IPO7: variants seen among roughly 807,000 people sequenced by gnomAD.
IPO7 encodes importin 7, also known as importin-7.
In IPO7, 13 loss-of-function variants were observed where a neutral mutation model predicts 136.4. That is an observed-to-expected ratio of 0.10 (90% CI 0.06 to 0.15). The LOEUF (loss-of-function observed/expected upper bound fraction) is 0.15, where lower values mean the gene tolerates loss of function less well. Among genes scored for constraint, IPO7 ranks in the 10% least tolerant of loss-of-function variants. The probability of loss-of-function intolerance (pLI) is 1.00; values close to 1 mark genes in which losing one functional copy is unlikely to be tolerated. For missense variants in IPO7, 857 were observed against 1,240.6 expected, an observed-to-expected ratio of 0.69 and a Z score of 4.65; for synonymous variants, 403 against 404.4, an observed-to-expected ratio of 1.00 and a Z score of 0.04.
rs148904635 is a variant in IPO7, at chr11:9,397,769, A to G, written c.85-5521A>G. Among the ~76,000 whole-genome samples, 517 of 152,252 alleles carry G rather than the reference A, an allele frequency of 3.4e-3. 6 individuals carry two copies. The highest frequency in any genetic ancestry group is 0.012 in the African/African-American group (496 of 41,532). ...TAGAGCATACTCTGAGAAAGGTGAG[A>G]GTCTACTGAATATGGATATACAAAG... On this transcript the variant is annotated intron_variant, in intron 1 of 24. Coordinates refer to ENST00000379719, the MANE Select transcript of IPO7 (RefSeq NM_006391.3).
At chr11:9,415,885 G>A (rs980110951) in intron 5 of IPO7, among the ~76,000 whole-genome samples, 3 of 152,022 alleles carry the variant, frequency 2.0e-5, no homozygotes, top group South Asian at 2.1e-4. Context: ...GTCAGTATTC[G>A]CAGTGAAATG....
Position 9,417,049 on chromosome 11 carries a change from T to A in IPO7, c.637-10T>A. ...GGATTTCGAAATATTAATTCTTGAC[T>A]TTTATTTAGTATACACTACCACTGG... On this transcript the variant is annotated splice_polypyrimidine_tract_variant and intron_variant, in intron 5 of 24. Transcript: ENST00000379719. 1 of 1,325,684 alleles carries A rather than the reference T, an allele frequency of 7.5e-7. No homozygotes were observed. The highest frequency in any genetic ancestry group is 1.1e-6 in the Non-Finnish European group (1 of 935,506). 82.1% of individuals were successfully genotyped at this position (1,325,684 alleles called of 1,614,324 possible). A position where few individuals can be genotyped will look rare whatever the true frequency, so the allele number is the denominator to read the frequency against.
intron 6 of IPO7, among the ~76,000 whole-genome samples, chr11:9,418,197 G>C (rs190560283): frequency 6.6e-6 from 1 of 151,712 alleles, no homozygotes; most frequent in Admixed American, 6.6e-5. Context: ...AGCCTCCCAA[G>C]TAGCTGGGAT....
At chr11:9,400,957 G>A (rs955573331) in intron 1 of IPO7, among the ~76,000 whole-genome samples, 1 of 151,766 alleles carries the variant, frequency 6.6e-6, no homozygotes, top group African/African-American at 2.4e-5. Context: ...CGAGGCGGGT[G>A]GATCACCTGC....
At chr11:9,438,052 T>TG in intron 21 of IPO7, 28 bp from the exon 22 acceptor site, 1 of 455,240 alleles carries the variant, frequency 2.2e-6, no homozygotes, top group Non-Finnish European at 3.1e-6. Flanking sequence ...ACAGTTTTTT[T>TG]TTTTTTTTTT....
At chr11:9,405,974 A>C (rs1385380025) in intron 2 of IPO7, among the ~76,000 whole-genome samples, 10 of 151,740 alleles carry the variant, frequency 6.6e-5, no homozygotes, top group Admixed American at 1.3e-4. Context: ...TTGAATCTTC[A>C]AACTTCTGGG....
At chr11:9,386,482 C>T (rs1336748337) in intron 1 of IPO7, among the ~76,000 whole-genome samples, 2 of 152,084 alleles carry the variant, frequency 1.3e-5, no homozygotes, top group Non-Finnish European at 2.9e-5. Flanking sequence ...CCTAGAAAAG[C>T]TAAAAGTTTA....
intron 15 of IPO7, 32 bp downstream of exon 15, chr11:9,429,866 C>T: frequency 1.3e-6 from 2 of 1,507,498 alleles, no homozygotes; most frequent in Non-Finnish European, 1.8e-6. Flanking sequence ...TATTTGCAAG[C>T]ATTTTAATGT....
Position 9,445,957 on chromosome 11 carries a change from C to G in IPO7, c.*763C>G, listed in dbSNP as rs770778971. 1 of 152,142 alleles carries G rather than the reference C, an allele frequency of 6.6e-6. No individual in the cohort carries two copies. The highest frequency in any genetic ancestry group is 2.4e-5 in the African/African-American group (1 of 41,432). The allele number at this position is 152,142 out of a possible 1,614,324, so 9.4% of individuals were successfully genotyped here. On this transcript the variant is annotated 3_prime_UTR_variant, in exon 25 of 25. Coordinates refer to ENST00000379719, the MANE Select transcript of IPO7 (RefSeq NM_006391.3). The stretch of plus-strand genomic sequence containing the variant: ...GTACCTGGTGACTTTGTGGTGCACT[C>G]ACCTCTGATAGTGACTTGAATTCGG...
chr11:9,407,959 G>C (rs1854910687), intron 2 of IPO7, among the ~76,000 whole-genome samples: 1 of 152,204 alleles, frequency 6.6e-6, no homozygotes, highest in Non-Finnish European at 1.5e-5. Context: ...TGTAATTTCT[G>C]AACACAGTAA....
At position 9,389,058 on chromosome 11, in the gene IPO7, T is replaced by G. The variant is rs140256629; in HGVS notation, c.84+4211T>G. On this transcript the variant is annotated intron_variant, in intron 1 of 24. Coordinates refer to ENST00000379719, the MANE Select transcript of IPO7 (RefSeq NM_006391.3). ...TATTTTTTAAAATTTATTATTATTA[T>G]TATTAGTATTTTTGTGGCAGGTTCT... 3.3e-3 allele frequency among the ~76,000 whole-genome samples: 504 copies of G among 151,960 alleles called. 2 individuals carry two copies. Among genetic ancestry groups the G allele is most frequent in the African/African-American group, 0.01 (432 of 41,480 alleles).
intron 20 of IPO7, among the ~76,000 whole-genome samples, chr11:9,436,744 A>C (rs1335192787): frequency 6.9e-6 from 1 of 145,416 alleles, no homozygotes; most frequent in African/African-American, 2.5e-5. Flanking sequence ...GTGCAGTGGC[A>C]CATTCTCTGC....
At chr11:9,434,350 C>T (rs1223964094) in intron 18 of IPO7, among the ~76,000 whole-genome samples, 1 of 149,330 alleles carries the variant, frequency 6.7e-6, no homozygotes, top group African/African-American at 2.4e-5. Flanking sequence ...TAGGCTTATT[C>T]TTTGTTAACA....
chr11:9,425,257 C>G lies in IPO7; in HGVS notation c.1330C>G (p.Leu444Val). Reference sequence around the variant, plus strand: ...GATTGGCTCTTTAGCTGAAATACTTCTGAAGGTATTCTTTAGTGTGTTTGT... The same window carrying G: ...GATTGGCTCTTTAGCTGAAATACTTGTGAAGGTATTCTTTAGTGTGTTTGT... ...HMIGSLAEIL[L>V]KKKIYKDQME... The change falls in exon 12 of 25, where the codon CTG (leucine) becomes GTG (valine). Residue 444 changes from leucine (L) to valine (V), a missense_variant. Around this residue, in one of 11 missense-constraint regions of IPO7, gnomAD observed 127 missense variants for 222.4 expected, o/e 0.57. Transcript: ENST00000379719. The G allele has an allele frequency of 1.3e-6, 2 of 1,548,216 alleles. No homozygotes were observed. The highest frequency in any genetic ancestry group is 1.8e-6 in the Non-Finnish European group (2 of 1,120,652).
chr11:9,386,988 C>G (rs973201884), intron 1 of IPO7, among the ~76,000 whole-genome samples: 2 of 152,214 alleles, frequency 1.3e-5, no homozygotes, highest in South Asian at 2.1e-4. Context: ...TTTTAATACA[C>G]TACTTCTCCC....
chr11:9,421,627 CAAAA>C (rs993969580), intron 8 of IPO7, among the ~76,000 whole-genome samples: 1 of 136,518 alleles, frequency 7.3e-6, no homozygotes, highest in African/African-American at 2.7e-5. Context: ...GACTCCATCT[CAAAA>C]AAAAAAAATT....
intron 16 of IPO7, among the ~76,000 whole-genome samples, chr11:9,431,379 C>T (rs919994424): frequency 7.9e-5 from 12 of 151,908 alleles, no homozygotes; most frequent in Non-Finnish European, 1.8e-4. Context: ...TAAGTATATT[C>T]ACATTGTTAT....
intron 1 of IPO7, among the ~76,000 whole-genome samples, chr11:9,397,073 C>T (rs1369081906): frequency 6.6e-6 from 1 of 151,514 alleles, no homozygotes; most frequent in Non-Finnish European, 1.5e-5. Flanking sequence ...CTTGCCTTAA[C>T]ACACCTAATG....
chr11:9,430,712 T>G (rs974485294), intron 15 of IPO7, 163 bp from the exon 16 acceptor site: 6 of 617,032 alleles, frequency 9.7e-6, no homozygotes, highest in Non-Finnish European at 1.7e-5. Flanking sequence ...ATGAGCAGAC[T>G]ATTTGATTAT....
Sources: gnomAD v4.1 joint callset for allele counts (sites outside exome capture counted in the v4.1 genomes callset) on GRCh38, gnomAD v4.1.1 for gene constraint, gnomAD v4.1.1 regional missense constraint, MANE v1.5 for transcripts, NCBI Gene and HGNC (gene_info 2026-07-23, HGNC 2026-07-21) for gene names.